NR4A3: variants seen among roughly 807,000 people sequenced by gnomAD.
NR4A3 encodes nuclear receptor subfamily 4 group A member 3, also known as chondrosarcoma, extraskeletal myxoid, fused to EWS.
NR4A3 carries 13 observed loss-of-function variants against 55.6 expected under a neutral mutation model. The ratio of observed to expected loss-of-function variants is 0.23; its 90% CI spans 0.15 to 0.37. NR4A3 has a LOEUF of 0.37. Ranked by LOEUF, NR4A3 falls within the 10% of genes least tolerant of loss-of-function variation. The pLI is 1.00. For missense variants in NR4A3, 646 were observed against 822.8 expected (o/e 0.79, Z 2.63); for synonymous variants, 342 against 357.9 (o/e 0.96, Z 0.50).
intron 5 of NR4A3, among the ~76,000 whole-genome samples, chr9:99,844,240 T>A (rs990631506): frequency 6.6e-6 from 1 of 152,146 alleles, no homozygotes; most frequent in Admixed American, 6.5e-5. Flanking sequence ...TAGTTCTCAA[T>A]TGGGCTACTC....
chr9:99,849,008 A>G (rs1827803996), intron 7 of NR4A3, among the ~76,000 whole-genome samples: 1 of 152,224 alleles, frequency 6.6e-6, no homozygotes, highest in Non-Finnish European at 1.5e-5. Context: ...TCAAGATCAG[A>G]ATAATATGCT....
intron 7 of NR4A3, among the ~76,000 whole-genome samples, chr9:99,859,138 A>G (rs1009823864): frequency 2.0e-5 from 3 of 152,248 alleles, no homozygotes; most frequent in Non-Finnish European, 4.4e-5. Flanking sequence ...ATAGATCAAA[A>G]TGCAAGAAAT....
At chr9:99,849,079 C>T (rs1465276286) in intron 7 of NR4A3, among the ~76,000 whole-genome samples, 1 of 152,212 alleles carries the variant, frequency 6.6e-6, no homozygotes, top group Admixed American at 6.5e-5. Context: ...TCAAATGCAA[C>T]CTCTGGTACA....
At chr9:99,823,473 G>C (rs1311402299) in intron 1 of NR4A3, among the ~76,000 whole-genome samples, 6 of 152,062 alleles carry the variant, frequency 3.9e-5, no homozygotes, top group Non-Finnish European at 8.8e-5. Flanking sequence ...AGAAATGTCG[G>C]GCTGTGATCC....
intron 6 of NR4A3, 104 bp downstream of exon 6, chr9:99,844,952 T>G (rs1404524388): frequency 7.8e-6 from 7 of 897,518 alleles, no homozygotes; most frequent in African/African-American, 3.3e-5. Flanking sequence ...AAGAAGCAAA[T>G]GTGAAATATG....
chr9:99,828,972 G>A lies in NR4A3; in HGVS notation c.930G>A (p.Glu310=), dbSNP rs1827382440. ...AGCACTACGGCGTGCGAACCTGCGA[G>A]GGCTGCAAGGGCTTTTTCAAGGTGA... ...ACQHYGVRTC[E]GCKGFFKRTV... is the part of the protein sequence containing the mutation. Residue 310 remains glutamate (E), a synonymous_variant, in exon 3 of 8, where the codon GAG becomes GAA. Transcript: ENST00000395097. The surrounding 1 kb of genome is among the most constrained non-coding windows in gnomAD (Gnocchi z 7.7). The A allele has an allele frequency of 7.2e-7, 1 of 1,381,304 alleles. No individual in the cohort carries two copies. The highest frequency in any genetic ancestry group is 9.4e-7 in the Non-Finnish European group (1 of 1,065,594). 85.6% of individuals were successfully genotyped at this position (1,381,304 alleles called of 1,614,324 possible).
At chr9:99,856,953 G>A (rs923069564) in intron 7 of NR4A3, among the ~76,000 whole-genome samples, 1 of 152,200 alleles carries the variant, frequency 6.6e-6, no homozygotes, top group African/African-American at 2.4e-5. Flanking sequence ...TCAGTGCCAG[G>A]CACTGTGCCA....
intron 7 of NR4A3, among the ~76,000 whole-genome samples, chr9:99,863,193 G>A (rs999055522): frequency 6.6e-6 from 1 of 152,174 alleles, no homozygotes; most frequent in Admixed American, 6.6e-5. Context: ...CTGAAAAATA[G>A]TTGCCTACTG....
chr9:99,837,595 G>T, intron 5 of NR4A3, among the ~76,000 whole-genome samples: 1 of 150,998 alleles, frequency 6.6e-6, no homozygotes, highest in Non-Finnish European at 1.5e-5. Flanking sequence ...TTTTTTTAAA[G>T]GCAACCATTT....
Position 99,822,783 on chromosome 9 carries a change from G to C in NR4A3, c.-177+376G>C, listed in dbSNP as rs1827207071. Among the ~76,000 whole-genome samples the C allele has an allele frequency of 6.6e-6, 1 of 152,216 alleles. No homozygotes were observed. On this transcript the variant is annotated intron_variant, in intron 1 of 7. Transcript: ENST00000395097. This position sits in a 1 kb window ranked among gnomAD's most constrained non-coding sequence, Gnocchi z 4.9. ...CGGCGGCGGCAGCGGCAGCGGCAGGGAGTTGCAGCTCCGGTGATGAACGGC... is the reference window on the plus strand; with the variant it reads ...CGGCGGCGGCAGCGGCAGCGGCAGGCAGTTGCAGCTCCGGTGATGAACGGC...
intron 6 of NR4A3, among the ~76,000 whole-genome samples, chr9:99,846,957 G>A (rs1348771787): frequency 6.6e-6 from 1 of 152,178 alleles, no homozygotes; most frequent in Non-Finnish European, 1.5e-5. Context: ...CAGGGACTTG[G>A]TATTTTTAAA....
At chr9:99,862,565 AAAAAAAAAAAAAAAAAAAG>A (rs1319528168) in intron 7 of NR4A3, among the ~76,000 whole-genome samples, 6 of 43,146 alleles carry the variant, frequency 1.4e-4, no homozygotes, top group African/African-American at 3.6e-4. Context: ...AAAAAAAAAA[AAAAAAAAAAAAAAAAAAAG>A]AGAGAGAAAT....
In NR4A3 at chr9:99,863,783, G is replaced by A. The variant is rs746288295; in HGVS notation, c.1797G>A (p.Gln599=). 6.2e-7 allele frequency: 1 copy of A among 1,613,886 alleles called. No homozygotes were observed. The highest frequency in any genetic ancestry group is 2.2e-5 in the East Asian group (1 of 44,820). The change falls in exon 8 of 8, where the codon CAG becomes CAA. Residue 599 remains glutamine (Q), a synonymous_variant. Transcript: ENST00000395097. ...ELRKICTLGL[Q]RIFYLKLEDL... is the part of the protein sequence containing the mutation. Reference sequence around the variant, plus strand: ...GGAAGATCTGCACCCTGGGCCTCCAGCGCATCTTCTACCTGAAGCTGGAAG... The same window carrying A: ...GGAAGATCTGCACCCTGGGCCTCCAACGCATCTTCTACCTGAAGCTGGAAG...
intron 6 of NR4A3, among the ~76,000 whole-genome samples, chr9:99,847,105 G>T (rs1481787370): frequency 1.3e-5 from 2 of 152,206 alleles, no homozygotes; most frequent in Non-Finnish European, 1.5e-5. Flanking sequence ...GGTGCACTGG[G>T]CTTCATCTCT....
Position 99,863,957 on chromosome 9 carries a change from G to A in NR4A3, c.*90G>A. ...TAGGTTTGGAAACCTATCATTTCCT[G>A]TCCTTCCTTAAGAGGAAAAGCAGCT... On this transcript the variant is annotated 3_prime_UTR_variant, in exon 8 of 8. Transcript: ENST00000395097. 1 of 1,426,682 alleles carries A rather than the reference G, an allele frequency of 7.0e-7. No individual in the cohort carries two copies. Among genetic ancestry groups the A allele is most frequent in the Non-Finnish European group, 9.4e-7 (1 of 1,059,038 alleles). The allele number at this position is 1,426,682 out of a possible 1,614,324, so 88.4% of individuals were successfully genotyped here. A position where few individuals can be genotyped will look rare whatever the true frequency, so the allele number is the denominator to read the frequency against.
At chr9:99,834,283 A>G (rs1036294479) in intron 5 of NR4A3, among the ~76,000 whole-genome samples, 4 of 152,216 alleles carry the variant, frequency 2.6e-5, no homozygotes, top group African/African-American at 9.7e-5. Flanking sequence ...GCAAATGAAT[A>G]AACAGCTCTG....
chr9:99,844,341 C>T (rs1159834900), intron 5 of NR4A3, among the ~76,000 whole-genome samples: 2 of 152,206 alleles, frequency 1.3e-5, no homozygotes, highest in African/African-American at 4.8e-5. Flanking sequence ...GCGCAGGACC[C>T]AGACAAGAGT....
In NR4A3 at chr9:99,864,381, C is replaced by T. The variant is rs1386387712; in HGVS notation, c.*514C>T. 3 of 228,330 alleles carry T rather than the reference C, an allele frequency of 1.3e-5. No individual in the cohort carries two copies. Among genetic ancestry groups the T allele is most frequent in the Non-Finnish European group, 2.6e-5 (3 of 114,890 alleles). 14.1% of individuals were successfully genotyped at this position (228,330 alleles called of 1,614,324 possible). A position where few individuals can be genotyped will look rare whatever the true frequency, so the allele number is the denominator to read the frequency against. Reference sequence around the variant, plus strand: ...GCAGAAACTTCCTTTTAATTTCCTTCTTCCTTTATTTTAACAAATGGTGAA... The same window carrying T: ...GCAGAAACTTCCTTTTAATTTCCTTTTTCCTTTATTTTAACAAATGGTGAA... On this transcript the variant is annotated 3_prime_UTR_variant, in exon 8 of 8. Transcript: ENST00000395097.
intron 7 of NR4A3, among the ~76,000 whole-genome samples, chr9:99,857,606 G>A (rs1360773177): frequency 9.9e-5 from 15 of 152,048 alleles, no homozygotes; most frequent in Admixed American, 9.8e-4. Context: ...CCAACATGGT[G>A]AAACCCCTTC....
Sources: allele counts gnomAD v4.1 joint callset (sites outside exome capture counted in the v4.1 genomes callset), GRCh38; gene constraint gnomAD v4.1.1; non-coding constraint Gnocchi (gnomAD v3.1); transcripts MANE v1.5; gene names NCBI Gene and HGNC (gene_info 2026-07-23, HGNC 2026-07-21).